Variants in UGGT2 observed in about 807,000 individuals in gnomAD.
The protein encoded by UGGT2 is UDP-glucose glycoprotein glucosyltransferase 2, also known as UDP-glucose:glycoprotein glucosyltransferase 2.
In UGGT2, 180 loss-of-function variants were observed where a neutral mutation model predicts 192.1. The observed-to-expected ratio is 0.94, with a 90% CI of 0.83 to 1.06. The LOEUF (loss-of-function observed/expected upper bound fraction) is 1.06, where lower values mean the gene tolerates loss of function less well. Ranked by LOEUF, UGGT2 falls within the 50% of genes least tolerant of loss-of-function variation. UGGT2 has a pLI of 0.00. For missense variants in UGGT2, 1,849 were observed against 1,795.7 expected (o/e 1.03, Z -0.54); for synonymous variants, 580 against 591.0 (o/e 0.98, Z 0.27).
At chr13:95,923,251 G>C (rs1053801929) in intron 20 of UGGT2, among the ~76,000 whole-genome samples, 2 of 152,126 alleles carry the variant, frequency 1.3e-5, no homozygotes, top group East Asian at 1.9e-4. Flanking sequence ...TAGAGACAGA[G>C]TCTTGTTATG....
intron 20 of UGGT2, among the ~76,000 whole-genome samples, chr13:95,904,502 G>A (rs1349851245): frequency 7.3e-6 from 1 of 136,622 alleles, no homozygotes; most frequent in Non-Finnish European, 1.5e-5. Flanking sequence ...GTGTCCATGT[G>A]ATCTCATTGT....
intron 12 of UGGT2, among the ~76,000 whole-genome samples, chr13:95,966,868 AT>A (rs1181944211): frequency 1.3e-5 from 2 of 152,122 alleles, no homozygotes; most frequent in Admixed American, 1.3e-4. Flanking sequence ...TTCTGCCCAT[AT>A]TTTTACATGA....
chr13:95,948,417 TATG>T (rs1183205600), intron 13 of UGGT2, among the ~76,000 whole-genome samples: 4 of 152,186 alleles, frequency 2.6e-5, no homozygotes, highest in Non-Finnish European at 5.9e-5. Flanking sequence ...TTAGATTTTC[TATG>T]ATAAATTTTT....
rs1255313500 is a variant in UGGT2 at position 95,860,805 on chromosome 13, T to A, written c.3723A>T (p.Leu1241Phe). ...LNIFSVASGH[L>F]YERFLRIMML... is the part of the protein sequence containing the mutation. ...ATACCTACCTTAAAAAACGTTCATA[T>A]AAATGACCAGAAGCAACTGAAAAAA... Residue 1241 changes from leucine to phenylalanine, a missense_variant, in exon 32 of 39, where the codon TTA (leucine) becomes TTT (phenylalanine). Leu to Phe is a conservative substitution (Grantham distance 22). Transcript: ENST00000376747. The A allele has an allele frequency of 1.3e-6, 2 of 1,548,600 alleles. No individual in the cohort carries two copies. Among genetic ancestry groups the A allele is most frequent in the Non-Finnish European group, 1.7e-6 (2 of 1,148,354 alleles).
At chr13:95,842,813 C>T (rs1888009476) in intron 36 of UGGT2, among the ~76,000 whole-genome samples, 1 of 152,122 alleles carries the variant, frequency 6.6e-6, no homozygotes. Context: ...AAGAATAAAC[C>T]CTGTCCACAA....
chr13:95,989,955 T>C lies in UGGT2; in HGVS notation c.931+18A>G. 1 of 1,537,126 alleles carries C rather than the reference T, an allele frequency of 6.5e-7. No individual in the cohort carries two copies. The highest frequency in any genetic ancestry group is 1.8e-5 in the Admixed American group (1 of 54,234). On this transcript the variant is annotated intron_variant, in intron 8 of 38. Coordinates refer to ENST00000376747, the MANE Select transcript of UGGT2 (RefSeq NM_020121.4). ...CAGTTACCAAAATGCTGTGTTAAAGTATCTCAAAATACTATACCTTGTAGT... is the reference window on the plus strand; with the variant it reads ...CAGTTACCAAAATGCTGTGTTAAAGCATCTCAAAATACTATACCTTGTAGT...
chr13:96,032,438 C>A (rs2052867139), intron 1 of UGGT2, among the ~76,000 whole-genome samples: 1 of 152,056 alleles, frequency 6.6e-6, no homozygotes, highest in Non-Finnish European at 1.5e-5. Context: ...TGTAGAAAAT[C>A]TTTTTTATTA....
chr13:95,837,195 G>C lies in UGGT2; in HGVS notation c.4292C>G (p.Pro1431Arg). ...GGCGACTTGGTAAATCATATTATTG[G>C]GGAGATCCTACAGAAAATTGTGATT... ...NSLSNLDQDL[P>R]NNMIYQVAIK... The change falls in exon 37 of 39, where the codon CCC (proline) becomes CGC (arginine). Residue 1431 changes from proline (P) to arginine (R), a missense_variant. Coordinates refer to ENST00000376747, the MANE Select transcript of UGGT2 (RefSeq NM_020121.4). The C allele has an allele frequency of 6.2e-7, 1 of 1,609,694 alleles. No homozygotes were observed. The highest frequency in any genetic ancestry group is 8.5e-7 in the Non-Finnish European group (1 of 1,176,254).
intron 19 of UGGT2, among the ~76,000 whole-genome samples, chr13:95,926,246 G>A (rs1026059185): frequency 2.0e-5 from 3 of 152,134 alleles, no homozygotes; most frequent in Admixed American, 2.0e-4. Context: ...TAATCCAGGA[G>A]CCATCTGGTA....
chr13:95,969,419 T>C (rs969152536), intron 12 of UGGT2, among the ~76,000 whole-genome samples: 3 of 152,200 alleles, frequency 2.0e-5, no homozygotes, highest in Non-Finnish European at 4.4e-5. Flanking sequence ...CTCTGGGGAT[T>C]CTCTTAACAC....
chr13:95,956,234 C>A (rs1285841413), intron 12 of UGGT2, among the ~76,000 whole-genome samples: 1 of 152,094 alleles, frequency 6.6e-6, no homozygotes, highest in East Asian at 1.9e-4. Flanking sequence ...GTGGAATAGA[C>A]TAGACAGCCC....
At chr13:95,982,391 C>T (rs1448611268) in intron 10 of UGGT2, among the ~76,000 whole-genome samples, 2 of 152,208 alleles carry the variant, frequency 1.3e-5, no homozygotes, top group Admixed American at 6.5e-5. Context: ...TTCAAAACGG[C>T]AGCTCCATCT....
intron 20 of UGGT2, among the ~76,000 whole-genome samples, chr13:95,909,219 G>A (rs1161793656): frequency 2.0e-5 from 3 of 152,010 alleles, no homozygotes; most frequent in Non-Finnish European, 1.5e-5. Flanking sequence ...TTTCCCCATT[G>A]CTTGTCATTT....
chr13:96,000,889 T>C (rs934850449), intron 5 of UGGT2, among the ~76,000 whole-genome samples: 5 of 152,316 alleles, frequency 3.3e-5, no homozygotes, highest in Middle Eastern at 6.8e-3. Flanking sequence ...TGTTTTTCTA[T>C]TTCCCCCACA....
At chr13:95,936,672 C>T (rs1353679080) in intron 17 of UGGT2, among the ~76,000 whole-genome samples, 1 of 152,224 alleles carries the variant, frequency 6.6e-6, no homozygotes, top group Non-Finnish European at 1.5e-5. Context: ...AACTCCTAAT[C>T]GAGGACAGTG....
intron 30 of UGGT2, among the ~76,000 whole-genome samples, chr13:95,866,228 T>G (rs551962700): frequency 6.6e-6 from 1 of 152,240 alleles, no homozygotes; most frequent in Non-Finnish European, 1.5e-5. Flanking sequence ...AAATCTGATA[T>G]GCATGTTTTA....
chr13:95,931,136 C>G (rs9584329), intron 17 of UGGT2, among the ~76,000 whole-genome samples: 1 of 152,200 alleles, frequency 6.6e-6, no homozygotes, highest in South Asian at 2.1e-4. Context: ...TGACAGGGTG[C>G]TGATTGGTGT....
At chr13:95,820,407 GCTC>G (rs1214422278) in intron 38 of UGGT2, among the ~76,000 whole-genome samples, 1 of 151,932 alleles carries the variant, frequency 6.6e-6, no homozygotes, top group Non-Finnish European at 1.5e-5. Context: ...GGAATACAAA[GCTC>G]CTAATTCTTT....
At chr13:96,051,792 G>T (rs2053493929) in intron 1 of UGGT2, among the ~76,000 whole-genome samples, 1 of 152,140 alleles carries the variant, frequency 6.6e-6, no homozygotes, top group Non-Finnish European at 1.5e-5. Context: ...CCTTACTCCT[G>T]CAAGAATGGC....
Sources: allele counts gnomAD v4.1 joint callset (sites outside exome capture counted in the v4.1 genomes callset), GRCh38; gene constraint gnomAD v4.1.1; transcripts MANE v1.5; gene names NCBI Gene and HGNC (gene_info 2026-07-23, HGNC 2026-07-21).